Variants in UBE3D observed in about 807,000 individuals in gnomAD.
UBE3D encodes the protein ubiquitin protein ligase E3D.
A neutral mutation model predicts 49.6 loss-of-function variants in UBE3D; 48 were observed. The observed-to-expected ratio is 0.97, with a 90% CI of 0.77 to 1.23. The LOEUF is 1.23. UBE3D is among the 50% of genes most tolerant of loss of function. The probability of loss-of-function intolerance (pLI) is 0.00; values close to 1 mark genes in which losing one functional copy is unlikely to be tolerated. For synonymous variants in UBE3D, 189 were observed against 174.2 expected, an observed-to-expected ratio of 1.08 and a Z score of -0.67; for missense variants, 452 against 468.4, an observed-to-expected ratio of 0.96 and a Z score of 0.32.
chr6:83,001,202 T>C (rs1779610690), intron 8 of UBE3D, among the ~76,000 whole-genome samples: 1 of 152,202 alleles, frequency 6.6e-6, no homozygotes, highest in Non-Finnish European at 1.5e-5. Flanking sequence ...TCTGATTTGT[T>C]CTCATAGCAC....
chr6:83,051,616 C>T (rs138718924), intron 3 of UBE3D, among the ~76,000 whole-genome samples: 9 of 152,240 alleles, frequency 5.9e-5, no homozygotes, highest in African/African-American at 1.7e-4. Flanking sequence ...ATTCAACCAA[C>T]GCCTAAAATA....
At position 83,055,359 on chromosome 6, in the gene UBE3D, A is replaced by T. The variant is rs185887383; in HGVS notation, c.275-1121T>A. On this transcript the variant is annotated intron_variant, in intron 2 of 9. Coordinates refer to ENST00000369747, the MANE Select transcript of UBE3D (RefSeq NM_198920.3). ...TTTTCTGTATGTATTTTAAGATTTT[A>T]AAAAACTGATGCTAGAAGGTTTACG... Among the ~76,000 whole-genome samples, 560 of 152,360 alleles carry T rather than the reference A, an allele frequency of 3.7e-3. 5 individuals carry two copies. The highest frequency in any genetic ancestry group is 0.013 in the African/African-American group (526 of 41,580).
At chr6:83,059,341 G>A (rs980466337) in intron 1 of UBE3D, among the ~76,000 whole-genome samples, 5 of 152,166 alleles carry the variant, frequency 3.3e-5, no homozygotes, top group East Asian at 3.9e-4. Flanking sequence ...CCATGATCAC[G>A]CCAATGCATG....
intron 4 of UBE3D, among the ~76,000 whole-genome samples, chr6:83,041,696 G>A (rs1219199302): frequency 6.6e-6 from 1 of 151,942 alleles, no homozygotes; most frequent in African/African-American, 2.4e-5. Context: ...AAACAAAAAA[G>A]ACACACTTAT....
At chr6:83,001,738 A>C (rs1175346595) in intron 8 of UBE3D, among the ~76,000 whole-genome samples, 1 of 152,212 alleles carries the variant, frequency 6.6e-6, no homozygotes, top group Non-Finnish European at 1.5e-5. Context: ...CATATTCAAA[A>C]AATAGCAGCT....
chr6:82,974,229 T>A lies in UBE3D; in HGVS notation c.1011-16779A>T, dbSNP rs73478993. 8.3e-3 allele frequency among the ~76,000 whole-genome samples: 1,264 copies of A among 152,208 alleles called. 22 individuals carry two copies. Among genetic ancestry groups the A allele is most frequent in the African/African-American group, 0.029 (1,200 of 41,538 alleles). ...TCATCCCCAAACCATCCCCCTACCATCCTGGTCTGTGGAAAAACTGTCTTC... is the reference window on the plus strand; with the variant it reads ...TCATCCCCAAACCATCCCCCTACCAACCTGGTCTGTGGAAAAACTGTCTTC... On this transcript the variant is annotated intron_variant, in intron 8 of 9. Coordinates refer to ENST00000369747, the MANE Select transcript of UBE3D (RefSeq NM_198920.3).
intron 9 of UBE3D, among the ~76,000 whole-genome samples, chr6:82,894,327 G>A (rs1771153831): frequency 6.6e-6 from 1 of 152,016 alleles, no homozygotes; most frequent in Admixed American, 6.5e-5. Flanking sequence ...AAGGAACATT[G>A]CTATCATATC....
At chr6:82,955,936 C>A (rs1776127872) in intron 9 of UBE3D, among the ~76,000 whole-genome samples, 1 of 152,184 alleles carries the variant, frequency 6.6e-6, no homozygotes, top group Admixed American at 6.5e-5. Flanking sequence ...GACCAATGGG[C>A]AGCAAATATA....
intron 1 of UBE3D, among the ~76,000 whole-genome samples, chr6:83,062,177 C>T (rs1232552696): frequency 6.6e-6 from 1 of 152,142 alleles, no homozygotes; most frequent in Non-Finnish European, 1.5e-5. Context: ...TGTTACTGTT[C>T]ATGGCTGTAT....
intron 9 of UBE3D, among the ~76,000 whole-genome samples, chr6:82,901,504 A>G (rs1255798955): frequency 6.6e-6 from 1 of 152,228 alleles, no homozygotes; most frequent in African/African-American, 2.4e-5. Context: ...GGGTGTTTTA[A>G]TAGGTTGTCC....
At chr6:82,917,199 A>G (rs1251357456) in intron 9 of UBE3D, among the ~76,000 whole-genome samples, 1 of 152,124 alleles carries the variant, frequency 6.6e-6, no homozygotes, top group African/African-American at 2.4e-5. Context: ...AGATTACAGG[A>G]GCTCAACTGG....
intron 9 of UBE3D, among the ~76,000 whole-genome samples, chr6:82,916,598 T>C (rs1165869665): frequency 6.6e-6 from 1 of 152,228 alleles, no homozygotes; most frequent in Non-Finnish European, 1.5e-5. Context: ...AATGAATAAA[T>C]ATTGTGTTGC....
At chr6:82,995,490 T>TCACACACACACACA (rs56663287) in intron 8 of UBE3D, among the ~76,000 whole-genome samples, 8,194 of 138,120 alleles carry the variant, frequency 0.059, 270 homozygotes, top group East Asian at 0.076. Flanking sequence ...ATACTAACAA[T>TCACACACACACACA]CACACACACA....
intron 1 of UBE3D, among the ~76,000 whole-genome samples, chr6:83,061,694 C>A (rs1251747617): frequency 1.3e-5 from 2 of 152,220 alleles, no homozygotes; most frequent in Non-Finnish European, 2.9e-5. Context: ...GGTCAACTCA[C>A]CTCACCCAGT....
chr6:83,026,222 G>C (rs1254751772), intron 5 of UBE3D, among the ~76,000 whole-genome samples: 1 of 152,038 alleles, frequency 6.6e-6, no homozygotes, highest in Non-Finnish European at 1.5e-5. Flanking sequence ...AAGGCAGGAC[G>C]ATCACTTCAA....
At chr6:83,009,142 T>C (rs1342969440) in intron 8 of UBE3D, among the ~76,000 whole-genome samples, 1 of 152,158 alleles carries the variant, frequency 6.6e-6, no homozygotes, top group Non-Finnish European at 1.5e-5. Context: ...CTACATATAA[T>C]GAATATAAAA....
intron 9 of UBE3D, among the ~76,000 whole-genome samples, chr6:82,925,804 C>T (rs1036299044): frequency 3.9e-5 from 6 of 152,000 alleles, no homozygotes; most frequent in African/African-American, 1.4e-4. Flanking sequence ...TGAGGATTAA[C>T]AATAAATACC....
intron 9 of UBE3D, among the ~76,000 whole-genome samples, chr6:82,905,932 G>A (rs1169535152): frequency 1.3e-5 from 2 of 152,038 alleles, no homozygotes; most frequent in Non-Finnish European, 2.9e-5. Flanking sequence ...CACGGCCATT[G>A]GTTTCATCCA....
intron 8 of UBE3D, 73 bp from the exon 9 acceptor site, chr6:82,957,523 G>T (rs1304816977): frequency 1.2e-5 from 18 of 1,490,972 alleles, no homozygotes; most frequent in Non-Finnish European, 1.6e-5. Flanking sequence ...TATGAAAGAA[G>T]AAAACTCAAT....
Sources: gnomAD v4.1 joint callset for allele counts (sites outside exome capture counted in the v4.1 genomes callset) on GRCh38, gnomAD v4.1.1 for gene constraint, MANE v1.5 for transcripts, NCBI Gene and HGNC (gene_info 2026-07-23, HGNC 2026-07-21) for gene names.